PTAFR: variants seen among roughly 807,000 people sequenced by gnomAD.
PTAFR encodes platelet-activating factor receptor.
A neutral mutation model predicts 14.7 loss-of-function variants in PTAFR; 8 were observed. The observed-to-expected ratio is 0.54, with a 90% CI of 0.32 to 0.98. The LOEUF (loss-of-function observed/expected upper bound fraction) is 0.98. Among genes scored for constraint, PTAFR ranks in the 50% least tolerant of loss-of-function variants. The pLI, the probability that PTAFR is intolerant of heterozygous loss-of-function variation, is 0.04. For missense variants in PTAFR, 337 were observed against 451.2 expected, an observed-to-expected ratio of 0.75 and a Z score of 2.29; for synonymous variants, 156 against 176.5, an observed-to-expected ratio of 0.88 and a Z score of 0.92.
At chr1:28,163,270 C>G (rs903400695) in intron 1 of PTAFR, among the ~76,000 whole-genome samples, 1 of 152,200 alleles carries the variant, frequency 6.6e-6, no homozygotes, top group Non-Finnish European at 1.5e-5. Context: ...ATTCCTCAGT[C>G]TAGCACCTGA....
chr1:28,180,138 G>A (rs1391087711), upstream of PTAFR, among the ~76,000 whole-genome samples: 4 of 152,014 alleles, frequency 2.6e-5, no homozygotes, highest in Non-Finnish European at 1.5e-5. Context: ...GGGAGACCCT[G>A]TCTCTACAAA....
intron 1 of PTAFR, among the ~76,000 whole-genome samples, chr1:28,184,033 A>G (rs528415181): frequency 2.7e-5 from 4 of 149,256 alleles, no homozygotes; most frequent in African/African-American, 9.9e-5. Flanking sequence ...GCTGGATTGC[A>G]GCCTCCTCCC....
intron 1 of PTAFR, among the ~76,000 whole-genome samples, chr1:28,166,576 C>T (rs1324035507): frequency 6.6e-6 from 1 of 151,748 alleles, no homozygotes; most frequent in African/African-American, 2.4e-5. Flanking sequence ...GAGGCTGAGG[C>T]ACGAGAATCA....
chr1:28,192,937 A>G (rs962881439), intron 1 of PTAFR, among the ~76,000 whole-genome samples: 4 of 152,152 alleles, frequency 2.6e-5, no homozygotes, highest in Non-Finnish European at 4.4e-5. Flanking sequence ...GGCCATAGGA[A>G]GCAGCACTGA....
chr1:28,150,244 G>C lies in PTAFR; in HGVS notation c.778C>G (p.Leu260Val). 6.2e-7 allele frequency: 1 copy of C among 1,613,302 alleles called. No homozygotes were observed. The highest frequency in any genetic ancestry group is 8.5e-7 in the Non-Finnish European group (1 of 1,179,356). ...VVQLPWTLAE[L>V]GFQDSKFHQA... ...TGGAATTTGCTGTCCTGGAAGCCCAGCTCAGCAAGGGTCCAGGGCAGCTGC... is the reference window on the plus strand; with the variant it reads ...TGGAATTTGCTGTCCTGGAAGCCCACCTCAGCAAGGGTCCAGGGCAGCTGC... Residue 260 changes from leucine (L) to valine (V), a missense_variant, in exon 2 of 2, where the codon CTG becomes GTG. By Grantham distance (32) the Leu-to-Val change is conservative. Transcript: ENST00000373857. The surrounding 1 kb of genome is among the most constrained non-coding windows in gnomAD (Gnocchi z 6.3).
In PTAFR at chr1:28,166,564, G is replaced by A. The variant is rs562540833; in HGVS notation, c.-39+10028C>T. Among the ~76,000 whole-genome samples, 12 of 152,104 alleles carry A rather than the reference G, an allele frequency of 7.9e-5. 1 individual carries two copies. In the South Asian group the frequency reaches 2.3e-3, roughly 29 times the overall value. On this transcript the variant is annotated intron_variant, in intron 1 of 1. Transcript: ENST00000373857. The stretch of plus-strand genomic sequence containing the variant: ...CGGGTGCCTGTAATCCCAGCTACTC[G>A]GGAGGCTGAGGCACGAGAATCACTT...
At chr1:28,190,765 A>G (rs1205772583) in intron 1 of PTAFR, among the ~76,000 whole-genome samples, 1 of 152,112 alleles carries the variant, frequency 6.6e-6, no homozygotes, top group African/African-American at 2.4e-5. Context: ...ACTCCTGGGG[A>G]TGGACAGCCC....
At chr1:28,170,723 C>G (rs186472540) in intron 1 of PTAFR, among the ~76,000 whole-genome samples, 1 of 147,896 alleles carries the variant, frequency 6.8e-6, no homozygotes, top group Non-Finnish European at 1.5e-5. Flanking sequence ...AATAAGGGCC[C>G]GGCGCGGTGG....
At chr1:28,170,645 T>C (rs1053153538) in intron 1 of PTAFR, among the ~76,000 whole-genome samples, 9 of 151,982 alleles carry the variant, frequency 5.9e-5, no homozygotes, top group African/African-American at 9.7e-5. Context: ...TCCATTACAG[T>C]AAGCTATGAT....
chr1:28,167,787 C>T (rs1410968932), intron 1 of PTAFR, among the ~76,000 whole-genome samples: 3 of 150,680 alleles, frequency 2.0e-5, no homozygotes, highest in African/African-American at 7.3e-5. Context: ...TACAGGCACC[C>T]GCCACCTCGC....
intron 1 of PTAFR, among the ~76,000 whole-genome samples, chr1:28,192,558 CAAA>C (rs375926757): frequency 3.6e-4 from 20 of 56,330 alleles, no homozygotes; most frequent in African/African-American, 1.0e-3. Flanking sequence ...AACTCCGTCT[CAAA>C]AAAAAAAAAA....
intron 1 of PTAFR, among the ~76,000 whole-genome samples, chr1:28,192,095 T>TA (rs531568875): frequency 0.028 from 4,012 of 144,082 alleles, 151 homozygotes; most frequent in African/African-American, 0.083. Flanking sequence ...GTAAAACATT[T>TA]AAAAAAAAAA....
intron 1 of PTAFR, among the ~76,000 whole-genome samples, chr1:28,165,780 C>G (rs1433155033): frequency 1.3e-5 from 2 of 150,892 alleles, no homozygotes; most frequent in African/African-American, 4.9e-5. Flanking sequence ...GAGACTCTGT[C>G]TAGGAAAAAA....
chr1:28,191,067 G>C (rs1646648311), intron 1 of PTAFR, among the ~76,000 whole-genome samples: 1 of 152,156 alleles, frequency 6.6e-6, no homozygotes, highest in African/African-American at 2.4e-5. Context: ...CCTTGCTCAG[G>C]GCTGAGTCCT....
chr1:28,187,328 T>C (rs1438090406), intron 1 of PTAFR, among the ~76,000 whole-genome samples: 2 of 151,700 alleles, frequency 1.3e-5, no homozygotes, highest in East Asian at 3.8e-4. Flanking sequence ...TATTAGCTAC[T>C]AATAGCCACT....
At chr1:28,159,235 A>C (rs946791860) in intron 1 of PTAFR, among the ~76,000 whole-genome samples, 5 of 152,188 alleles carry the variant, frequency 3.3e-5, no homozygotes, top group Admixed American at 3.3e-4. Flanking sequence ...TGAAGAGCCC[A>C]ACATCAAGGA....
chr1:28,168,341 G>A (rs890108865), intron 1 of PTAFR, among the ~76,000 whole-genome samples: 1 of 151,994 alleles, frequency 6.6e-6, no homozygotes, highest in African/African-American at 2.4e-5. Context: ...CATCAAGCGT[G>A]GAAACACCTA....
intron 1 of PTAFR, among the ~76,000 whole-genome samples, chr1:28,160,055 A>C (rs1646305830): frequency 6.6e-6 from 1 of 151,114 alleles, no homozygotes; most frequent in South Asian, 2.1e-4. Context: ...ACTCCTAAAA[A>C]TTTTTAAAAG....
At chr1:28,174,765 T>G (rs920175485) in intron 1 of PTAFR, among the ~76,000 whole-genome samples, 2 of 152,212 alleles carry the variant, frequency 1.3e-5, no homozygotes, top group African/African-American at 4.8e-5. Context: ...CAAAACAGTT[T>G]CCTCATCCCT....
Sources: gnomAD v4.1 joint callset for allele counts (sites outside exome capture counted in the v4.1 genomes callset) on GRCh38, gnomAD v4.1.1 for gene constraint, Gnocchi (gnomAD v3.1) non-coding constraint, MANE v1.5 for transcripts, NCBI Gene and HGNC (gene_info 2026-07-23, HGNC 2026-07-21) for gene names.